SAMD4A: variants seen among roughly 807,000 people sequenced by gnomAD.
SAMD4A encodes the protein sterile alpha motif domain containing 4A, also known as protein Smaug homolog 1.
Under a neutral mutation model 81.3 loss-of-function variants are expected in SAMD4A, and 33 were observed. That is an observed-to-expected ratio of 0.41 (90% CI 0.31 to 0.54). The LOEUF is 0.54. Among genes scored for constraint, SAMD4A ranks in the 20% least tolerant of loss-of-function variants. The pLI, the probability that SAMD4A is intolerant of heterozygous loss-of-function variation, is 0.37. For synonymous variants in SAMD4A, 389 were observed against 382.1 expected (o/e 1.02, Z -0.21); for missense variants, 854 against 951.1 (o/e 0.90, Z 1.34).
In SAMD4A at chr14:54,723,652, G is replaced by A. The variant is rs73273331; in HGVS notation, c.716-13372G>A. ...AAGTGTTACTTAGAATATTAACACTGCCTTGCGGCTTCTAGCTTCTGCGTG... is the reference window on the plus strand; with the variant it reads ...AAGTGTTACTTAGAATATTAACACTACCTTGCGGCTTCTAGCTTCTGCGTG... On this transcript the variant is annotated intron_variant, in intron 3 of 12. Coordinates refer to ENST00000554335, the MANE Select transcript of SAMD4A (RefSeq NM_015589.6). Among the ~76,000 whole-genome samples the A allele has an allele frequency of 3.2e-3, 489 of 152,316 alleles. 1 individual carries two copies. The highest frequency in any genetic ancestry group is 0.011 in the African/African-American group (460 of 41,576).
intron 3 of SAMD4A, among the ~76,000 whole-genome samples, chr14:54,735,804 C>T (rs1195113155): frequency 6.6e-6 from 1 of 152,224 alleles, no homozygotes; most frequent in African/African-American, 2.4e-5. Flanking sequence ...TAACCAAAAG[C>T]AGGACCTCTC....
intron 7 of SAMD4A, 91 bp downstream of exon 7, chr14:54,760,585 A>G: frequency 9.6e-6 from 13 of 1,352,516 alleles, no homozygotes; most frequent in African/African-American, 1.5e-5. Flanking sequence ...TGCTGGATAA[A>G]TTCCCTGTCC....
chr14:54,778,182 CTT>C (rs1264323593), intron 11 of SAMD4A, among the ~76,000 whole-genome samples: 1 of 152,224 alleles, frequency 6.6e-6, no homozygotes, highest in Non-Finnish European at 1.5e-5. Context: ...TCCTGCCACT[CTT>C]TTGCCAGTTC....
chr14:54,663,958 A>G (rs1020581342), intron 2 of SAMD4A, among the ~76,000 whole-genome samples: 10 of 152,232 alleles, frequency 6.6e-5, no homozygotes, highest in African/African-American at 2.2e-4. Flanking sequence ...ATTCTAAGAC[A>G]TGTAGCTAAG....
chr14:54,756,576 T>C (rs1042866559), intron 6 of SAMD4A, among the ~76,000 whole-genome samples: 1 of 152,196 alleles, frequency 6.6e-6, no homozygotes, highest in African/African-American at 2.4e-5. Context: ...GCCTGGTTGA[T>C]GACAGGGCTC....
rs190173762 is a variant in SAMD4A at position 54,732,802 on chromosome 14, T to A, written c.716-4222T>A. 3.1e-3 allele frequency among the ~76,000 whole-genome samples: 469 copies of A among 152,240 alleles called. 3 individuals carry two copies. The highest frequency in any genetic ancestry group is 0.01 in the Admixed American group (156 of 15,286). ...GGCCAGTATCCCAGACTTTCTTCCATCCATAAACCCCCTTATTTCTCATAT... is the reference window on the plus strand; with the variant it reads ...GGCCAGTATCCCAGACTTTCTTCCAACCATAAACCCCCTTATTTCTCATAT... On this transcript the variant is annotated intron_variant, in intron 3 of 12. Coordinates refer to ENST00000554335, the MANE Select transcript of SAMD4A (RefSeq NM_015589.6).
chr14:54,727,266 T>G (rs1478850102), intron 3 of SAMD4A, among the ~76,000 whole-genome samples: 2 of 140,250 alleles, frequency 1.4e-5, no homozygotes, highest in Admixed American at 1.5e-4. Context: ...CTCGGCTTAC[T>G]GCAACCTCTG....
chr14:54,620,842 C>G (rs1594743476), intron 2 of SAMD4A, among the ~76,000 whole-genome samples: 1 of 152,190 alleles, frequency 6.6e-6, no homozygotes, highest in South Asian at 2.1e-4. Context: ...TCACTGTAAA[C>G]TTGAACTCCT....
intron 2 of SAMD4A, among the ~76,000 whole-genome samples, chr14:54,625,462 T>C (rs2034722232): frequency 6.6e-6 from 1 of 152,204 alleles, no homozygotes; most frequent in South Asian, 2.1e-4. Flanking sequence ...GCAGTGAAAA[T>C]AGCAAGAATA....
chr14:54,596,542 G>A (rs1346446035), intron 2 of SAMD4A, among the ~76,000 whole-genome samples: 3 of 152,204 alleles, frequency 2.0e-5, no homozygotes, highest in African/African-American at 2.4e-5. Context: ...CCGAGATCAT[G>A]CCACTGCACT....
intron 8 of SAMD4A, among the ~76,000 whole-genome samples, chr14:54,766,497 C>G (rs758478384): frequency 6.6e-6 from 1 of 152,138 alleles, no homozygotes; most frequent in South Asian, 2.1e-4. Flanking sequence ...AAACCTGGAG[C>G]CAGAACAGGG....
At chr14:54,721,769 A>T (rs1464118689) in intron 3 of SAMD4A, among the ~76,000 whole-genome samples, 2 of 152,174 alleles carry the variant, frequency 1.3e-5, no homozygotes, top group African/African-American at 4.8e-5. Context: ...GAATGGAAAG[A>T]TTAATTAAAT....
At chr14:54,779,042 G>A (rs1466483138) in intron 11 of SAMD4A, among the ~76,000 whole-genome samples, 1 of 152,216 alleles carries the variant, frequency 6.6e-6, no homozygotes, top group Admixed American at 6.5e-5. Flanking sequence ...CCTCCAAGCA[G>A]GTCCAGACGA....
intron 4 of SAMD4A, among the ~76,000 whole-genome samples, chr14:54,742,352 G>C (rs2140946069): frequency 6.6e-6 from 1 of 152,276 alleles, no homozygotes; most frequent in Admixed American, 6.5e-5. Context: ...GGGGGGGGCA[G>C]CATGGGGCCT....
At chr14:54,708,945 G>C (rs1440618243) in intron 3 of SAMD4A, among the ~76,000 whole-genome samples, 3 of 152,154 alleles carry the variant, frequency 2.0e-5, no homozygotes, top group Non-Finnish European at 4.4e-5. Flanking sequence ...AGATGTTGGA[G>C]CACTGAGATG....
chr14:54,774,213 G>A (rs1441654987), intron 9 of SAMD4A, among the ~76,000 whole-genome samples: 1 of 152,222 alleles, frequency 6.6e-6, no homozygotes, highest in Non-Finnish European at 1.5e-5. Flanking sequence ...TGTGACCTGT[G>A]CACAAGGATT....
At chr14:54,663,069 G>C (rs1046114517) in intron 2 of SAMD4A, among the ~76,000 whole-genome samples, 1 of 152,226 alleles carries the variant, frequency 6.6e-6, no homozygotes, top group Non-Finnish European at 1.5e-5. Context: ...AACAGGATGA[G>C]AGAGAAGTGA....
intron 2 of SAMD4A, among the ~76,000 whole-genome samples, chr14:54,684,888 G>A (rs1435246725): frequency 2.0e-5 from 3 of 152,242 alleles, no homozygotes; most frequent in African/African-American, 7.2e-5. Context: ...GACCTGGAAG[G>A]AGAAGCTGAG....
intron 11 of SAMD4A, among the ~76,000 whole-genome samples, chr14:54,780,660 C>G (rs970307993): frequency 6.6e-5 from 10 of 152,206 alleles, no homozygotes; most frequent in African/African-American, 2.4e-4. Flanking sequence ...CAGCTGGGCC[C>G]ACAGCCTCCT....
Sources: allele counts gnomAD v4.1 joint callset (sites outside exome capture counted in the v4.1 genomes callset), GRCh38; gene constraint gnomAD v4.1.1; transcripts MANE v1.5; gene names NCBI Gene and HGNC (gene_info 2026-07-23, HGNC 2026-07-21).